ARNT2: variants seen among roughly 807,000 people sequenced by gnomAD.
ARNT2 encodes the protein aryl hydrocarbon receptor nuclear translocator 2, also known as ARNT protein 2.
In ARNT2, 36 loss-of-function variants were observed where a neutral mutation model predicts 91.7. The observed-to-expected ratio is 0.39, with a 90% CI of 0.30 to 0.52. ARNT2 has a LOEUF of 0.52. Ranked by LOEUF, ARNT2 falls within the 20% of genes least tolerant of loss-of-function variation. ARNT2 has a pLI of 0.72. For synonymous variants in ARNT2, 365 were observed against 347.1 expected (o/e 1.05, Z -0.57); for missense variants, 775 against 939.3 (o/e 0.83, Z 2.29).
At chr15:80,445,701 C>T (rs1271712330) in intron 1 of ARNT2, among the ~76,000 whole-genome samples, 4 of 151,900 alleles carry the variant, frequency 2.6e-5, no homozygotes, top group African/African-American at 4.8e-5. Flanking sequence ...TCCTGAGATC[C>T]GGGTGGGCCT....
chr15:80,486,660 C>G (rs1013558140), intron 5 of ARNT2, among the ~76,000 whole-genome samples: 2 of 152,222 alleles, frequency 1.3e-5, no homozygotes, highest in Non-Finnish European at 2.9e-5. Context: ...TGATGGATCC[C>G]TTTGGACCCA....
intron 5 of ARNT2, among the ~76,000 whole-genome samples, chr15:80,499,735 T>C (rs1326034269): frequency 6.6e-6 from 1 of 152,178 alleles, no homozygotes; most frequent in Non-Finnish European, 1.5e-5. Context: ...TGAGTTACTA[T>C]GATTGGCCCA....
intron 10 of ARNT2, among the ~76,000 whole-genome samples, chr15:80,553,308 A>G (rs1203026032): frequency 6.6e-6 from 1 of 152,222 alleles, no homozygotes; most frequent in Non-Finnish European, 1.5e-5. Context: ...AATATGCCAC[A>G]TAAGGGCCTT....
chr15:80,542,852 C>T (rs1897932713), intron 8 of ARNT2, among the ~76,000 whole-genome samples: 1 of 152,096 alleles, frequency 6.6e-6, no homozygotes, highest in Non-Finnish European at 1.5e-5. Context: ...CCTGCCTGGC[C>T]TGTGGCATTG....
At chr15:80,519,568 T>G (rs868565654) in intron 8 of ARNT2, among the ~76,000 whole-genome samples, 1 of 152,100 alleles carries the variant, frequency 6.6e-6, no homozygotes, top group African/African-American at 2.4e-5. Context: ...CTCACACCTG[T>G]GAAGATAAGC....
rs533634797 is a variant in ARNT2 at position 80,590,799 on chromosome 15, G to C, written c.1919-769G>C. Among the ~76,000 whole-genome samples, 4 of 152,288 alleles carry C rather than the reference G, an allele frequency of 2.6e-5. No homozygotes were observed. In the South Asian group the frequency reaches 8.3e-4, roughly 32 times the overall value. On this transcript the variant is annotated intron_variant, in intron 17 of 18. Coordinates refer to ENST00000303329, the MANE Select transcript of ARNT2 (RefSeq NM_014862.4). ...TATTTTTTGTTTTCTTCCATTGGCT[G>C]TTTTTTTGTATAAACTGTAGACAGA...
At chr15:80,451,850 T>A (rs145090467) in intron 2 of ARNT2, among the ~76,000 whole-genome samples, 457 of 152,378 alleles carry the variant, frequency 3.0e-3, no homozygotes, top group African/African-American at 0.01. Context: ...TTTCTCCTGT[T>A]GAATCTATTT....
At chr15:80,574,277 G>T in intron 13 of ARNT2, 57 bp downstream of exon 13, 1 of 1,535,682 alleles carries the variant, frequency 6.5e-7, no homozygotes, top group South Asian at 1.1e-5. Flanking sequence ...AATGGACTTG[G>T]GACTCAATTC....
At chr15:80,463,627 G>A (rs1896596943) in intron 3 of ARNT2, among the ~76,000 whole-genome samples, 1 of 149,662 alleles carries the variant, frequency 6.7e-6, no homozygotes, top group Non-Finnish European at 1.5e-5. Context: ...TGCCCAAGCT[G>A]GAGTGCAATG....
At chr15:80,527,356 C>T (rs1217979555) in intron 8 of ARNT2, among the ~76,000 whole-genome samples, 1 of 152,120 alleles carries the variant, frequency 6.6e-6, no homozygotes, top group Non-Finnish European at 1.5e-5. Flanking sequence ...GAGAGAAATG[C>T]CATTAATTGG....
In ARNT2 at chr15:80,514,407, T is replaced by G; in HGVS notation, c.877+2T>G. 1 of 1,614,046 alleles carries G rather than the reference T, an allele frequency of 6.2e-7. No homozygotes were observed. The highest frequency in any genetic ancestry group is 1.1e-5 in the South Asian group (1 of 91,070). ...ACATCAAGGCCTGGCCACCAGCAGG[T>G]AAGGAGACCTGCATGTAAATTCCAC... On this transcript the variant is annotated splice_donor_variant, in intron 8 of 18. Transcript: ENST00000303329. LOFTEE classifies it high-confidence loss of function.
intron 8 of ARNT2, among the ~76,000 whole-genome samples, chr15:80,535,671 T>C (rs1347363100): frequency 6.6e-6 from 1 of 152,196 alleles, no homozygotes; most frequent in Non-Finnish European, 1.5e-5. Flanking sequence ...CTACAAAGAT[T>C]TCCGTTCAAC....
intron 8 of ARNT2, among the ~76,000 whole-genome samples, chr15:80,543,570 A>T (rs563165117): frequency 6.6e-6 from 1 of 152,262 alleles, no homozygotes; most frequent in East Asian, 1.9e-4. Flanking sequence ...TCCTTCACAG[A>T]CTTTTAAGTG....
chr15:80,502,811 G>A (rs1897219097), intron 5 of ARNT2, among the ~76,000 whole-genome samples: 1 of 152,152 alleles, frequency 6.6e-6, no homozygotes, highest in Non-Finnish European at 1.5e-5. Flanking sequence ...AGATTAGGAG[G>A]GAAAGGAGCA....
chr15:80,426,058 CGAAAAGAAAA>C (rs142134604), intron 1 of ARNT2, among the ~76,000 whole-genome samples: 52 of 149,668 alleles, frequency 3.5e-4, no homozygotes, highest in Admixed American at 6.0e-4. Flanking sequence ...AAGACTGTCT[CGAAAAGAAAA>C]GAAAAGAAAA....
At chr15:80,535,275 G>C (rs916201011) in intron 8 of ARNT2, among the ~76,000 whole-genome samples, 1 of 152,158 alleles carries the variant, frequency 6.6e-6, no homozygotes. Context: ...CGTGATTGCT[G>C]TTTTTGCAAT....
intron 1 of ARNT2, among the ~76,000 whole-genome samples, chr15:80,421,270 G>A (rs1172212360): frequency 2.0e-5 from 3 of 151,944 alleles, no homozygotes; most frequent in South Asian, 2.1e-4. Context: ...AGGGAGTGAC[G>A]GCTAAAAAAC....
chr15:80,587,407 G>A (rs963118247), intron 17 of ARNT2, among the ~76,000 whole-genome samples: 3 of 151,490 alleles, frequency 2.0e-5, no homozygotes, highest in Non-Finnish European at 2.9e-5. Flanking sequence ...TTGGTTTGGT[G>A]GGGGGGTGGG....
chr15:80,433,120 T>G (rs1443713530), intron 1 of ARNT2, among the ~76,000 whole-genome samples: 1 of 152,012 alleles, frequency 6.6e-6, no homozygotes, highest in Non-Finnish European at 1.5e-5. Flanking sequence ...ATAAAACCTC[T>G]TAAAGGGGAT....
Sources: allele counts gnomAD v4.1 joint callset (sites outside exome capture counted in the v4.1 genomes callset), GRCh38; gene constraint gnomAD v4.1.1; transcripts MANE v1.5; gene names NCBI Gene and HGNC (gene_info 2026-07-23, HGNC 2026-07-21).